Variants in EXOC6B observed in about 807,000 individuals in gnomAD.
EXOC6B encodes the protein SEC15 homolog B.
In EXOC6B, 54 loss-of-function variants were observed where a neutral mutation model predicts 113.5. That is an observed-to-expected ratio of 0.48 (90% CI 0.38 to 0.60). The LOEUF (loss-of-function observed/expected upper bound fraction) is 0.60. EXOC6B is among the 20% of genes least tolerant of loss of function. The pLI, the probability that EXOC6B is intolerant of heterozygous loss-of-function variation, is 0.00. For missense variants in EXOC6B, 797 were observed against 977.5 expected, an observed-to-expected ratio of 0.82 and a Z score of 2.46; for synonymous variants, 357 against 339.0, an observed-to-expected ratio of 1.05 and a Z score of -0.58.
At chr2:72,692,008 A>G (rs550942995) in intron 6 of EXOC6B, among the ~76,000 whole-genome samples, 1 of 152,068 alleles carries the variant, frequency 6.6e-6, no homozygotes, top group Non-Finnish European at 1.5e-5. Flanking sequence ...TATTCTCTCC[A>G]TAGCAAATAC....
At chr2:72,337,007 C>CAAAAAAAAAAAA (rs56915816) in intron 19 of EXOC6B, among the ~76,000 whole-genome samples, 1 of 90,324 alleles carries the variant, frequency 1.1e-5, no homozygotes, top group African/African-American at 3.2e-5. Context: ...AACTCAGTCT[C>CAAAAAAAAAAAA]AAAAAAAAAA....
At chr2:72,653,447 C>A (rs1489022943) in intron 6 of EXOC6B, among the ~76,000 whole-genome samples, 1 of 145,496 alleles carries the variant, frequency 6.9e-6, no homozygotes, top group African/African-American at 2.5e-5. Flanking sequence ...AGGAGATATA[C>A]CTAATGCTAA....
intron 19 of EXOC6B, among the ~76,000 whole-genome samples, chr2:72,340,875 A>T (rs1407479994): frequency 1.3e-5 from 2 of 152,172 alleles, no homozygotes; most frequent in Admixed American, 6.5e-5. Context: ...CAGTGGTTCC[A>T]CTAAGCTAAT....
intron 20 of EXOC6B, among the ~76,000 whole-genome samples, chr2:72,329,003 A>C (rs993732530): frequency 5.9e-5 from 9 of 152,068 alleles, no homozygotes; most frequent in African/African-American, 2.2e-4. Context: ...CATCACATAC[A>C]ATCTGAAGGT....
chr2:72,456,094 C>G (rs1697217665), intron 18 of EXOC6B, among the ~76,000 whole-genome samples: 1 of 151,744 alleles, frequency 6.6e-6, no homozygotes, highest in East Asian at 1.9e-4. Context: ...AGAGGTTGCC[C>G]TTTTGAAAAA....
At chr2:72,483,130 T>A (rs557533359) in intron 16 of EXOC6B, among the ~76,000 whole-genome samples, 3 of 152,146 alleles carry the variant, frequency 2.0e-5, no homozygotes, top group Non-Finnish European at 4.4e-5. Flanking sequence ...TCCACCAAAA[T>A]AAGCAATTCA....
chr2:72,618,494 T>C (rs1671541509), intron 6 of EXOC6B, among the ~76,000 whole-genome samples: 1 of 152,228 alleles, frequency 6.6e-6, no homozygotes, highest in African/African-American at 2.4e-5. Flanking sequence ...CCTTCTTCAA[T>C]GACTCCTTTT....
At chr2:72,707,702 G>A (rs543692551) in intron 6 of EXOC6B, among the ~76,000 whole-genome samples, 3 of 152,106 alleles carry the variant, frequency 2.0e-5, no homozygotes, top group South Asian at 2.1e-4. Flanking sequence ...GTGAGCCACC[G>A]CACCCAGCCT....
intron 1 of EXOC6B, among the ~76,000 whole-genome samples, chr2:72,819,082 G>C (rs1686441857): frequency 6.6e-6 from 1 of 152,062 alleles, no homozygotes; most frequent in Admixed American, 6.5e-5. Context: ...AAGAGTATCT[G>C]GCACATAGAC....
At chr2:72,817,630 G>A (rs1297806695) in intron 1 of EXOC6B, among the ~76,000 whole-genome samples, 3 of 149,844 alleles carry the variant, frequency 2.0e-5, no homozygotes, top group Admixed American at 2.0e-4. Flanking sequence ...AAAATAAAAT[G>A]TCAGGCTGTA....
intron 18 of EXOC6B, among the ~76,000 whole-genome samples, chr2:72,391,563 G>A (rs527943979): frequency 1.3e-5 from 2 of 152,202 alleles, no homozygotes; most frequent in Admixed American, 1.3e-4. Context: ...CAGAATCTGT[G>A]GATTGATGCA....
chr2:72,741,201 C>A, intron 2 of EXOC6B, 103 bp downstream of exon 2: 1 of 1,141,314 alleles, frequency 8.8e-7, no homozygotes, highest in Non-Finnish European at 1.2e-6. Flanking sequence ...ATACAAAAAT[C>A]TTCACTACAA....
chr2:72,259,139 C>A (rs149692954), intron 20 of EXOC6B, among the ~76,000 whole-genome samples: 4 of 152,190 alleles, frequency 2.6e-5, no homozygotes, highest in Non-Finnish European at 4.4e-5. Context: ...ATAACCCAAA[C>A]TCCTATTAAG....
chr2:72,659,162 G>C (rs904509696), intron 6 of EXOC6B, among the ~76,000 whole-genome samples: 1 of 152,036 alleles, frequency 6.6e-6, no homozygotes, highest in Non-Finnish European at 1.5e-5. Flanking sequence ...AAACAATACA[G>C]TCTTTTGACT....
intron 20 of EXOC6B, among the ~76,000 whole-genome samples, chr2:72,190,545 C>T (rs889793173): frequency 1.6e-4 from 25 of 152,166 alleles, no homozygotes; most frequent in African/African-American, 5.5e-4. Context: ...CCAACCTGTT[C>T]CCATTCTCCC....
chr2:72,546,972 AG>A (rs1702945915), intron 8 of EXOC6B, among the ~76,000 whole-genome samples: 1 of 152,222 alleles, frequency 6.6e-6, no homozygotes, highest in African/African-American at 2.4e-5. Context: ...ACTTCCCTTT[AG>A]AGGAGGGATT....
At chr2:72,351,050 C>T (rs915946604) in intron 19 of EXOC6B, among the ~76,000 whole-genome samples, 2 of 151,996 alleles carry the variant, frequency 1.3e-5, no homozygotes, top group African/African-American at 2.4e-5. Flanking sequence ...CATCCATTGA[C>T]GGGCAGACAG....
chr2:72,289,824 C>T (rs1037034998), intron 20 of EXOC6B, among the ~76,000 whole-genome samples: 14 of 152,186 alleles, frequency 9.2e-5, no homozygotes, highest in African/African-American at 3.1e-4. Context: ...AAGATCGAGG[C>T]TGCAGTGGGC....
chr2:72,433,564 T>G (rs191501190), intron 18 of EXOC6B, among the ~76,000 whole-genome samples: 1 of 152,348 alleles, frequency 6.6e-6, no homozygotes, highest in Admixed American at 6.5e-5. Flanking sequence ...CATTTGTTTG[T>G]GTCCTCTCTT....
Sources: allele counts gnomAD v4.1 joint callset (sites outside exome capture counted in the v4.1 genomes callset), GRCh38; gene constraint gnomAD v4.1.1; transcripts MANE v1.5; gene names NCBI Gene and HGNC (gene_info 2026-07-23, HGNC 2026-07-21).